The following CDH13 variants were observed in gnomAD, a reference collection of about 807,000 sequenced individuals.
The protein encoded by CDH13 is cadherin 13.
CDH13 carries 24 observed loss-of-function variants against 63.8 expected under a neutral mutation model. That is an observed-to-expected ratio of 0.38 (90% CI 0.27 to 0.53). The LOEUF (loss-of-function observed/expected upper bound fraction) is 0.53. Ranked by LOEUF, CDH13 falls within the 20% of genes least tolerant of loss-of-function variation. The pLI, the probability that CDH13 is intolerant of heterozygous loss-of-function variation, is 0.85. For synonymous variants in CDH13, 503 were observed against 355.3 expected (o/e 1.42, Z -4.67); for missense variants, 1,049 against 903.1 (o/e 1.16, Z -2.07).
intron 7 of CDH13, among the ~76,000 whole-genome samples, chr16:83,506,477 G>A (rs1248944262): frequency 6.6e-6 from 1 of 152,042 alleles, no homozygotes; most frequent in Non-Finnish European, 1.5e-5. Context: ...GCTTTATATT[G>A]TACCACTACG....
intron 8 of CDH13, among the ~76,000 whole-genome samples, chr16:83,669,470 C>A (rs1293218082): frequency 5.3e-5 from 8 of 152,142 alleles, no homozygotes; most frequent in Admixed American, 5.2e-4. Flanking sequence ...CGAATCAGAT[C>A]AAAATAATTG....
Position 82,644,530 on chromosome 16 carries a change from G to A in CDH13, c.45+17393G>A, listed in dbSNP as rs900512922. 2.0e-5 allele frequency among the ~76,000 whole-genome samples: 3 copies of A among 152,204 alleles called. No homozygotes were observed. Among genetic ancestry groups the A allele is most frequent in the African/African-American group, 7.2e-5 (3 of 41,460 alleles). On this transcript the variant is annotated intron_variant, in intron 1 of 13. Transcript: ENST00000567109. The surrounding 1 kb of genome is among the most constrained non-coding windows in gnomAD (Gnocchi z 5.7). ...GAAACAAGGAAAGCAGCCTAGAGCT[G>A]GTCCCCAGACCAGGCCCAGTGCACG...
At chr16:83,004,449 G>T (rs1208181486) in intron 2 of CDH13, among the ~76,000 whole-genome samples, 1 of 152,126 alleles carries the variant, frequency 6.6e-6, no homozygotes, top group Non-Finnish European at 1.5e-5. Flanking sequence ...CCACTCCAGG[G>T]CAGCAAGGTA....
chr16:83,585,671 G>C (rs1396986529), intron 7 of CDH13, among the ~76,000 whole-genome samples: 1 of 152,026 alleles, frequency 6.6e-6, no homozygotes, highest in East Asian at 1.9e-4. Flanking sequence ...TATCCAAGAA[G>C]AAGGCTGACC....
intron 2 of CDH13, among the ~76,000 whole-genome samples, chr16:82,917,914 C>CAAAAAAAAAAA (rs34766700): frequency 0.018 from 825 of 45,834 alleles, 34 homozygotes; most frequent in African/African-American, 0.051. Context: ...GACTCCATGT[C>CAAAAAAAAAAA]AAAAAAAAAA....
chr16:82,964,833 G>A (rs1192758209), intron 2 of CDH13, among the ~76,000 whole-genome samples: 3 of 152,132 alleles, frequency 2.0e-5, no homozygotes, highest in African/African-American at 7.2e-5. Context: ...CTGATCCTGG[G>A]TTTTTTTCTT....
chr16:83,559,417 T>C (rs149570772), intron 7 of CDH13, among the ~76,000 whole-genome samples: 1,758 of 152,028 alleles, frequency 0.012, 42 homozygotes, highest in African/African-American at 0.04. Flanking sequence ...ACTAAAAATA[T>C]GAAATTAGCT....
chr16:82,867,087 C>G (rs1003826550), intron 2 of CDH13, among the ~76,000 whole-genome samples: 1 of 152,186 alleles, frequency 6.6e-6, no homozygotes. Flanking sequence ...TTGAGGGCCA[C>G]CTCGAACCTC....
chr16:82,636,196 G>C (rs534538935), intron 1 of CDH13, among the ~76,000 whole-genome samples: 43 of 152,296 alleles, frequency 2.8e-4, no homozygotes, highest in Admixed American at 1.5e-3. Context: ...AAGGAGGCCT[G>C]CTTGAGTTCT....
intron 7 of CDH13, among the ~76,000 whole-genome samples, chr16:83,540,640 C>A (rs537208886): frequency 6.6e-6 from 1 of 152,318 alleles, no homozygotes; most frequent in South Asian, 2.1e-4. Flanking sequence ...CAAGTAGTAA[C>A]AGTAGTAACT....
chr16:83,094,124 C>T (rs748376310), intron 3 of CDH13, among the ~76,000 whole-genome samples: 1 of 152,130 alleles, frequency 6.6e-6, no homozygotes, highest in African/African-American at 2.4e-5. Context: ...CAAATAGTTA[C>T]AAAATTCTCG....
intron 3 of CDH13, among the ~76,000 whole-genome samples, chr16:83,068,732 G>A (rs904982147): frequency 3.3e-5 from 5 of 152,188 alleles, no homozygotes; most frequent in African/African-American, 1.2e-4. Flanking sequence ...AAAAAGGTTG[G>A]GAATGGTTTA....
At chr16:82,763,763 G>T (rs1366932732) in intron 1 of CDH13, among the ~76,000 whole-genome samples, 2 of 152,130 alleles carry the variant, frequency 1.3e-5, no homozygotes, top group Admixed American at 6.5e-5. Context: ...GCTCACTGCA[G>T]CCTCCTCTGC....
chr16:83,502,521 A>G (rs1028287731), intron 7 of CDH13, among the ~76,000 whole-genome samples: 2 of 152,198 alleles, frequency 1.3e-5, no homozygotes, highest in Non-Finnish European at 2.9e-5. Flanking sequence ...TGGTTAAGTC[A>G]CTAAGGACAT....
intron 2 of CDH13, among the ~76,000 whole-genome samples, chr16:82,883,207 A>G (rs565302809): frequency 6.6e-6 from 1 of 152,332 alleles, no homozygotes; most frequent in South Asian, 2.1e-4. Context: ...ATGACCTACT[A>G]AGCAGCTATG....
At chr16:83,760,200 GA>G (rs1211777895) in intron 11 of CDH13, among the ~76,000 whole-genome samples, 1 of 152,148 alleles carries the variant, frequency 6.6e-6, no homozygotes, top group African/African-American at 2.4e-5. Context: ...ATGAAAAGAT[GA>G]AAAATACCCA....
intron 2 of CDH13, among the ~76,000 whole-genome samples, chr16:82,868,526 C>G (rs928894667): frequency 3.3e-5 from 5 of 152,080 alleles, no homozygotes; most frequent in Non-Finnish European, 5.9e-5. Flanking sequence ...GACTTGGGTC[C>G]TAACTTGTTC....
intron 8 of CDH13, among the ~76,000 whole-genome samples, chr16:83,632,343 G>A (rs1444863422): frequency 2.0e-5 from 3 of 151,660 alleles, no homozygotes; most frequent in Middle Eastern, 3.4e-3. Context: ...CTTAGGTATT[G>A]CACAAGTTCC....
rs1904305202 is a variant in CDH13 at position 83,799,660 on chromosome 16, C to A, written c.*4630C>A. The A allele has an allele frequency of 6.6e-6, 1 of 152,168 alleles. No individual in the cohort carries two copies. The highest frequency in any genetic ancestry group is 1.5e-5 in the Non-Finnish European group (1 of 68,040). 9.4% of individuals were successfully genotyped at this position (152,168 alleles called of 1,614,324 possible). ...AATCTGGCTACATCTTTCATAAAGA[C>A]CTCCATCTTCTCTCCTTAACTGACT... On this transcript the variant is annotated 3_prime_UTR_variant, in exon 14 of 14. Transcript: ENST00000567109.
Sources: allele counts gnomAD v4.1 joint callset (sites outside exome capture counted in the v4.1 genomes callset), GRCh38; gene constraint gnomAD v4.1.1; non-coding constraint Gnocchi (gnomAD v3.1); transcripts MANE v1.5; gene names NCBI Gene and HGNC (gene_info 2026-07-23, HGNC 2026-07-21).